Variants in COL9A2 observed in about 807,000 individuals in gnomAD.
COL9A2 encodes the protein collagen alpha-2(IX) chain.
A neutral mutation model predicts 111.6 loss-of-function variants in COL9A2; 66 were observed. The observed-to-expected ratio is 0.59, with a 90% CI of 0.48 to 0.73. COL9A2 has a LOEUF of 0.73. Among genes scored for constraint, COL9A2 ranks in the 30% least tolerant of loss-of-function variants. The pLI, the probability that COL9A2 is intolerant of heterozygous loss-of-function variation, is 0.00. For missense variants in COL9A2, 881 were observed against 954.1 expected, an observed-to-expected ratio of 0.92 and a Z score of 1.01; for synonymous variants, 353 against 364.1, an observed-to-expected ratio of 0.97 and a Z score of 0.35.
chr1:40,303,578 C>G lies in COL9A2; in HGVS notation c.1500G>C (p.Leu500=), dbSNP rs771004338. Reference sequence around the variant, plus strand: ...GTCCTGGCACGCCTCGGTTCCCGGCCAGTCCTCGAGGGCCGGGGGGACCAG... The same window carrying G: ...GTCCTGGCACGCCTCGGTTCCCGGCGAGTCCTCGAGGGCCGGGGGGACCAG... ...GYPGPPGPRG[L]AGNRGVPGQP... Residue 500 remains leucine (L), a synonymous_variant, in exon 28 of 32, where the codon CTG becomes CTC. Coordinates refer to ENST00000372748, the MANE Select transcript of COL9A2 (RefSeq NM_001852.4). This position sits in a 1 kb window ranked among gnomAD's most constrained non-coding sequence, Gnocchi z 4.6. The G allele has an allele frequency of 6.2e-7, 1 of 1,610,694 alleles. No homozygotes were observed. Among genetic ancestry groups the G allele is most frequent in the Non-Finnish European group, 8.5e-7 (1 of 1,179,024 alleles).
chr1:40,304,696 G>T, intron 22 of COL9A2, 98 bp downstream of exon 22: 2 of 1,401,196 alleles, frequency 1.4e-6, no homozygotes, highest in South Asian at 1.2e-5. Flanking sequence ...GCCCTGCCTG[G>T]GGAGGCATCT....
chr1:40,305,706 G>T lies in COL9A2; in HGVS notation c.1107+9C>A. On this transcript the variant is annotated intron_variant, in intron 21 of 31. Coordinates refer to ENST00000372748, the MANE Select transcript of COL9A2 (RefSeq NM_001852.4). ...CAGGAACCCTTGTGTCAGTGCAGGG[G>T]GCATTTACCTCTTTCCCAGGGGGAC... The T allele has an allele frequency of 6.2e-7, 1 of 1,613,758 alleles. No individual in the cohort carries two copies. The highest frequency in any genetic ancestry group is 8.5e-7 in the Non-Finnish European group (1 of 1,179,674).
At position 40,301,280 on chromosome 1, in the gene COL9A2, C is replaced by T. The variant is rs773159349; in HGVS notation, c.1972G>A (p.Val658Met). 10 of 1,613,584 alleles carry T rather than the reference C, an allele frequency of 6.2e-6. No individual in the cohort carries two copies. The highest frequency in any genetic ancestry group is 2.2e-5 in the South Asian group (2 of 91,062). ...EAGRPGLPGPVGLPGFCEPAA... is the reference protein window; with the variant it reads ...EAGRPGLPGPMGLPGFCEPAA... ...GGTTCACAGAAGCCCGGCAGCCCCA[C>T]GGGGCCTGGCAGGCCAGGTCGACCT... Residue 658 changes from valine to methionine, a missense_variant, in exon 32 of 32, where the codon GTG (valine) becomes ATG (methionine). Physicochemically the swap from Val to Met is conservative, Grantham distance 21. Transcript: ENST00000372748.
chr1:40,311,936 C>A lies in COL9A2; in HGVS notation c.417+123G>T. ...TGGGCTCATAGGAGGGGTTTCTGCC[C>A]CAGACCTGGAGGAGTTTCCCAGTGG... On this transcript the variant is annotated intron_variant, in intron 8 of 31. Coordinates refer to ENST00000372748, the MANE Select transcript of COL9A2 (RefSeq NM_001852.4). The surrounding 1 kb of genome is among the most constrained non-coding windows in gnomAD (Gnocchi z 5.1). 1.7e-6 allele frequency: 2 copies of A among 1,179,726 alleles called. No individual in the cohort carries two copies. Among genetic ancestry groups the A allele is most frequent in the Non-Finnish European group, 2.5e-6 (2 of 809,064 alleles). The allele number at this position is 1,179,726 out of a possible 1,614,324, so 73.1% of individuals were successfully genotyped here. A position where few individuals can be genotyped will look rare whatever the true frequency, so the allele number is the denominator to read the frequency against.
intron 21 of COL9A2, among the ~76,000 whole-genome samples, chr1:40,305,474 G>T (rs1185603424): frequency 6.6e-6 from 1 of 152,198 alleles, no homozygotes; most frequent in Non-Finnish European, 1.5e-5. Context: ...GAACAACTCT[G>T]CCTGTTGGAT....
At chr1:40,301,490 G>A (rs939837045) in intron 31 of COL9A2, 109 bp from the exon 32 acceptor site, 16 of 919,060 alleles carry the variant, frequency 1.7e-5, no homozygotes, top group Non-Finnish European at 2.6e-5. Flanking sequence ...AAACACCATA[G>A]GAGAAAGGAC....
chr1:40,307,518 CAA>C lies in COL9A2; in HGVS notation c.955-21_955-20del, dbSNP rs1387482680. On this transcript the variant is annotated intron_variant, in intron 18 of 31. Coordinates refer to ENST00000372748, the MANE Select transcript of COL9A2 (RefSeq NM_001852.4). The surrounding 1 kb of genome is among the most constrained non-coding windows in gnomAD (Gnocchi z 4.8). ...CACTGCCCTGGGATAGACAGATAAC[CAA>C]AGATACAAATTAAAGCTCCAGCCAG... The C allele has an allele frequency of 6.2e-7, 1 of 1,613,924 alleles. No individual in the cohort carries two copies. Among genetic ancestry groups the C allele is most frequent in the East Asian group, 2.2e-5 (1 of 44,868 alleles).
Position 40,307,658 on chromosome 1 carries a change from A to C in COL9A2, c.954+45T>G, listed in dbSNP as rs1230132871. 1 of 1,608,436 alleles carries C rather than the reference A, an allele frequency of 6.2e-7. No individual in the cohort carries two copies. The highest frequency in any genetic ancestry group is 8.5e-7 in the Non-Finnish European group (1 of 1,175,668). The stretch of plus-strand genomic sequence containing the variant: ...TCTTGGTGTCTAGAATCCAGGACTC[A>C]AGGTCCTGCCCCTGCCCCAGTCCCA... On this transcript the variant is annotated intron_variant, in intron 18 of 31. Coordinates refer to ENST00000372748, the MANE Select transcript of COL9A2 (RefSeq NM_001852.4). This position sits in a 1 kb window ranked among gnomAD's most constrained non-coding sequence, Gnocchi z 4.8.
rs578013765 is a variant in COL9A2, at chr1:40,302,698, G to A, written c.1715C>T (p.Pro572Leu). 1.3e-6 allele frequency: 2 copies of A among 1,590,844 alleles called. No individual in the cohort carries two copies. Among genetic ancestry groups the A allele is most frequent in the African/African-American group, 2.7e-5 (2 of 74,368 alleles). The stretch of plus-strand genomic sequence containing the variant: ...GCCCCGAGGGCCAGGGTGCCCATGG[G>A]GGCCCTGCTTGCCTGGGTACCCAGG... ...GPPGYPGKQG[P>L]HGHPGPRGVP... is the part of the protein sequence containing the mutation. Residue 572 changes from proline (P) to leucine (L), a missense_variant, in exon 30 of 32, where the codon CCC becomes CTC. Pro to Leu is a moderately conservative substitution (Grantham distance 98). Transcript: ENST00000372748. This position sits in a 1 kb window ranked among gnomAD's most constrained non-coding sequence, Gnocchi z 4.5.
Position 40,310,177 on chromosome 1 carries a change from A to G in COL9A2, c.739-13T>C. On this transcript the variant is annotated splice_polypyrimidine_tract_variant and intron_variant, in intron 14 of 31. Coordinates refer to ENST00000372748, the MANE Select transcript of COL9A2 (RefSeq NM_001852.4). This position sits in a 1 kb window ranked among gnomAD's most constrained non-coding sequence, Gnocchi z 4.9. ...ATCCATGAGGGCCCTGGGGAGAGGA[A>G]AGGGTTGCAGGTCAGTCCTGGCTGA... The G allele has an allele frequency of 6.2e-7, 1 of 1,614,080 alleles. No homozygotes were observed. Among genetic ancestry groups the G allele is most frequent in the Non-Finnish European group, 8.5e-7 (1 of 1,179,988 alleles).
In COL9A2 at chr1:40,302,875, G is replaced by A; in HGVS notation, c.1604-66C>T. On this transcript the variant is annotated intron_variant, in intron 29 of 31. Transcript: ENST00000372748. The surrounding 1 kb of genome is among the most constrained non-coding windows in gnomAD (Gnocchi z 4.5). ...GATGGGTGTCAGCAGTAACACTAGG[G>A]GAGGCAGAGCATTCCGATGGGCCCT... 6.8e-7 allele frequency: 1 copy of A among 1,466,636 alleles called. No individual in the cohort carries two copies. The highest frequency in any genetic ancestry group is 9.3e-7 in the Non-Finnish European group (1 of 1,079,824). 90.9% of individuals were successfully genotyped at this position (1,466,636 alleles called of 1,614,324 possible).
In COL9A2 at chr1:40,302,490, G is replaced by C. The variant is rs1557790706; in HGVS notation, c.1792+131C>G. On this transcript the variant is annotated intron_variant, in intron 30 of 31. Coordinates refer to ENST00000372748, the MANE Select transcript of COL9A2 (RefSeq NM_001852.4). This position sits in a 1 kb window ranked among gnomAD's most constrained non-coding sequence, Gnocchi z 4.5. ...TGCTACTAGGAAAGAGCCCAGGAGT[G>C]TCTCCTGGACCATGTGGCTGAGGAA... The C allele has an allele frequency of 4.9e-5, 47 of 960,920 alleles. No individual in the cohort carries two copies. In the Middle Eastern group the frequency reaches 9.5e-4, roughly 19 times the overall value. The allele number at this position is 960,920 out of a possible 1,614,324, so 59.5% of individuals were successfully genotyped here.
intron 4 of COL9A2, among the ~76,000 whole-genome samples, chr1:40,313,323 C>CA (rs1479483153): frequency 6.6e-6 from 1 of 152,154 alleles, no homozygotes; most frequent in African/African-American, 2.4e-5. Context: ...CATGCGCCAC[C>CA]ACGCTTGGGT....
chr1:40,304,891 A>AC, intron 21 of COL9A2, 44 bp from the exon 22 acceptor site: 2 of 1,527,670 alleles, frequency 1.3e-6, no homozygotes, highest in Non-Finnish European at 1.8e-6. Flanking sequence ...ACCTGGTGGA[A>AC]CCCACCCTTC....
At chr1:40,306,082 G>C in intron 20 of COL9A2, 61 bp downstream of exon 20, 7 of 1,591,766 alleles carry the variant, frequency 4.4e-6, no homozygotes, top group Non-Finnish European at 6.0e-6. Flanking sequence ...CCTGGGCCTT[G>C]CTGTCTTCCT....
Position 40,302,536 on chromosome 1 carries a change from CAT to C in COL9A2, c.1792+83_1792+84del. ...AGGAACCGGGGAAGGGTCTGTATGT[CAT>C]CCTGAGAAGGGAATGGGGAAAGGGC... On this transcript the variant is annotated intron_variant, in intron 30 of 31. Transcript: ENST00000372748. This position sits in a 1 kb window ranked among gnomAD's most constrained non-coding sequence, Gnocchi z 4.5. 1 of 1,456,338 alleles carries C rather than the reference CAT, an allele frequency of 6.9e-7. No individual in the cohort carries two copies. The highest frequency in any genetic ancestry group is 1.2e-5 in the South Asian group (1 of 82,018). 90.2% of individuals were successfully genotyped at this position (1,456,338 alleles called of 1,614,324 possible). A position where few individuals can be genotyped will look rare whatever the true frequency, so the allele number is the denominator to read the frequency against.
rs139561954 is a variant in COL9A2, at chr1:40,315,479, G to C, written c.150+111C>G. The C allele has an allele frequency of 0.039, 57,163 of 1,465,384 alleles. 1,282 individuals are homozygous for C. Among genetic ancestry groups the C allele is most frequent in the Non-Finnish European group, 0.045 (49,927 of 1,101,024 alleles). The allele number at this position is 1,465,384 out of a possible 1,614,324, so 90.8% of individuals were successfully genotyped here. ...GGCCGGCGCCGCCTATTGGCGACGA[G>C]GGGCACTACATCTCCGGGCACCCCG... On this transcript the variant is annotated intron_variant, in intron 2 of 31. Coordinates refer to ENST00000372748, the MANE Select transcript of COL9A2 (RefSeq NM_001852.4).
chr1:40,317,249 G>A lies in COL9A2; in HGVS notation c.-52C>T, dbSNP rs755379888. The A allele has an allele frequency of 9.7e-6, 14 of 1,449,324 alleles. No homozygotes were observed. Among genetic ancestry groups the A allele is most frequent in the Non-Finnish European group, 9.5e-6 (10 of 1,055,746 alleles). 89.8% of individuals were successfully genotyped at this position (1,449,324 alleles called of 1,614,324 possible). On this transcript the variant is annotated 5_prime_UTR_variant, in exon 1 of 32. Coordinates refer to ENST00000372748, the MANE Select transcript of COL9A2 (RefSeq NM_001852.4). The surrounding 1 kb of genome is among the most constrained non-coding windows in gnomAD (Gnocchi z 4.3). ...GGTGCGTGTCCGCGCACGCACCGAC[G>A]GCAGAGTCTCCCGGCGCTCCTCCAG...
chr1:40,304,127 G>A (rs1030441418), intron 24 of COL9A2, 28 bp from the exon 25 acceptor site: 1 of 1,538,222 alleles, frequency 6.5e-7, no homozygotes. Flanking sequence ...TGAGGGGTTT[G>A]GCGAGCTCCC....
Sources: gnomAD v4.1 joint callset for allele counts (sites outside exome capture counted in the v4.1 genomes callset) on GRCh38, gnomAD v4.1.1 for gene constraint, Gnocchi (gnomAD v3.1) non-coding constraint, MANE v1.5 for transcripts, NCBI Gene and HGNC (gene_info 2026-07-23, HGNC 2026-07-21) for gene names.